TLK2: variants seen among roughly 807,000 people sequenced by gnomAD.
TLK2 encodes serine/threonine-protein kinase tousled-like 2.
A neutral mutation model predicts 117.3 loss-of-function variants in TLK2; 6 were observed. The observed-to-expected ratio is 0.05, with a 90% CI of 0.03 to 0.10. TLK2 has a LOEUF of 0.10. Among genes scored for constraint, TLK2 ranks in the 10% least tolerant of loss-of-function variants. The pLI is 1.00. For missense variants in TLK2, 299 were observed against 901.2 expected (o/e 0.33, Z 8.56); for synonymous variants, 257 against 316.7 (o/e 0.81, Z 2.00).
chr17:62,608,219 A>G (rs2083457133), intron 21 of TLK2, 71 bp downstream of exon 21: 2 of 1,173,470 alleles, frequency 1.7e-6, no homozygotes, highest in Non-Finnish European at 1.2e-6. Flanking sequence ...TTTGGGTAAT[A>G]GTGGATGGAT....
Position 62,614,850 on chromosome 17 carries a change from A to G in TLK2, c.*2285A>G, listed in dbSNP as rs1230944559. 1.3e-5 allele frequency: 2 copies of G among 152,252 alleles called. No individual in the cohort carries two copies. Among genetic ancestry groups the G allele is most frequent in the African/African-American group, 4.8e-5 (2 of 41,470 alleles). The allele number at this position is 152,252 out of a possible 1,614,324, so 9.4% of individuals were successfully genotyped here. ...ACAGTGCTGAGAGGATGGTGTCTGC[A>G]TAATGAAGACATGGATGAAGCTGAG... On this transcript the variant is annotated 3_prime_UTR_variant, in exon 22 of 22. Transcript: ENST00000346027.
intron 7 of TLK2, among the ~76,000 whole-genome samples, chr17:62,539,492 T>C (rs1422519131): frequency 1.3e-5 from 2 of 149,088 alleles, no homozygotes; most frequent in Non-Finnish European, 3.0e-5. Flanking sequence ...TTTTTTTTTT[T>C]CAATTGAGAC....
intron 9 of TLK2, among the ~76,000 whole-genome samples, chr17:62,554,882 A>C (rs924156240): frequency 2.7e-4 from 41 of 152,200 alleles, no homozygotes; most frequent in Non-Finnish European, 1.5e-5. Context: ...GCCTCAAAAA[A>C]AAAAAAAAAT....
At chr17:62,526,604 C>T (rs1398162693) in intron 6 of TLK2, among the ~76,000 whole-genome samples, 2 of 152,132 alleles carry the variant, frequency 1.3e-5, no homozygotes, top group Non-Finnish European at 2.9e-5. Context: ...ACTTGTACTG[C>T]TTGAGCATGT....
At chr17:62,539,903 G>T (rs868681825) in intron 7 of TLK2, among the ~76,000 whole-genome samples, 1 of 152,092 alleles carries the variant, frequency 6.6e-6, no homozygotes, top group African/African-American at 2.4e-5. Context: ...CTGAATTTCA[G>T]GCCTGTGTCA....
At chr17:62,537,421 CTG>C (rs1307672971) in intron 7 of TLK2, among the ~76,000 whole-genome samples, 2 of 152,236 alleles carry the variant, frequency 1.3e-5, no homozygotes, top group Admixed American at 6.5e-5. Flanking sequence ...TAATTAGACA[CTG>C]TGAGCTGACG....
chr17:62,600,455 C>A, intron 17 of TLK2, 196 bp from the exon 18 acceptor site: 1 of 497,170 alleles, frequency 2.0e-6, no homozygotes, highest in Non-Finnish European at 3.5e-6. Flanking sequence ...GGTGTGGAAA[C>A]TCTTCAAGAG....
At chr17:62,522,812 G>C (rs2076133009) in intron 4 of TLK2, among the ~76,000 whole-genome samples, 1 of 152,162 alleles carries the variant, frequency 6.6e-6, no homozygotes, top group African/African-American at 2.4e-5. Context: ...AGAAAGCCCA[G>C]TCTTGTTGCA....
intron 4 of TLK2, among the ~76,000 whole-genome samples, chr17:62,522,831 A>G (rs1473537625): frequency 2.0e-5 from 3 of 152,162 alleles, no homozygotes; most frequent in Non-Finnish European, 4.4e-5. Flanking sequence ...CATCCTTCTT[A>G]TCTTTTAAAA....
intron 16 of TLK2, among the ~76,000 whole-genome samples, chr17:62,593,839 C>T (rs1299484833): frequency 2.7e-5 from 4 of 146,048 alleles, no homozygotes. Context: ...GTCGCCCAGG[C>T]TGGAGTGCAG....
At chr17:62,552,430 A>G in intron 8 of TLK2, 33 bp downstream of exon 8, 1 of 1,614,122 alleles carries the variant, frequency 6.2e-7, no homozygotes, top group South Asian at 1.1e-5. Flanking sequence ...ATTGAGGGGC[A>G]TACCTGCTGT....
chr17:62,546,006 T>C (rs1181602667), intron 7 of TLK2, among the ~76,000 whole-genome samples: 3 of 152,144 alleles, frequency 2.0e-5, no homozygotes, highest in Non-Finnish European at 4.4e-5. Context: ...CTCAGCCTTC[T>C]GAGTAGCTAG....
intron 7 of TLK2, among the ~76,000 whole-genome samples, chr17:62,551,188 A>G (rs1043083492): frequency 2.6e-5 from 4 of 152,210 alleles, no homozygotes; most frequent in African/African-American, 9.6e-5. Flanking sequence ...AACTTGTTCA[A>G]TAGTTGGTGG....
chr17:62,512,659 T>G (rs2075243561), intron 2 of TLK2, among the ~76,000 whole-genome samples: 1 of 151,988 alleles, frequency 6.6e-6, no homozygotes, highest in Admixed American at 6.6e-5. Flanking sequence ...TCATCCTGTT[T>G]ACAGGGTCTT....
chr17:62,546,097 G>T (rs974667264), intron 7 of TLK2, among the ~76,000 whole-genome samples: 9 of 152,122 alleles, frequency 5.9e-5, no homozygotes, highest in Non-Finnish European at 1.2e-4. Context: ...GGCCAGGCTG[G>T]TCTTGAACTC....
rs543130326 is a variant in TLK2, at chr17:62,614,180, T to A, written c.*1615T>A. ...GATGTTTCAAATATGAACATTCTTT[T>A]GGCACCAATTTTCTTTTTTAATTTG... On this transcript the variant is annotated 3_prime_UTR_variant, in exon 22 of 22. Coordinates refer to ENST00000346027, the MANE Select transcript of TLK2 (RefSeq NM_006852.6). 8 of 151,920 alleles carry A rather than the reference T, an allele frequency of 5.3e-5. No individual in the cohort carries two copies. The highest frequency in any genetic ancestry group is 5.2e-4 in the Admixed American group (8 of 15,256). The allele number at this position is 151,920 out of a possible 1,614,324, so 9.4% of individuals were successfully genotyped here.
chr17:62,593,836 A>G (rs1366669426), intron 16 of TLK2, among the ~76,000 whole-genome samples: 6 of 136,614 alleles, frequency 4.4e-5, no homozygotes, highest in Non-Finnish European at 9.1e-5. Context: ...TCTGTCGCCC[A>G]GGCTGGAGTG....
intron 7 of TLK2, among the ~76,000 whole-genome samples, chr17:62,549,398 CAAAAAAAAAAAAAAAAAAAAAA>C (rs777779302): frequency 0.11 from 3,958 of 37,128 alleles, 197 homozygotes; most frequent in South Asian, 0.17. Context: ...GACTCCATCT[CAAAAAAAAAAAAAAAAAAAAAA>C]AAAAAAAAAA....
chr17:62,560,246 G>C, intron 10 of TLK2, 120 bp downstream of exon 10: 1 of 735,960 alleles, frequency 1.4e-6, no homozygotes, highest in Non-Finnish European at 2.0e-6. Context: ...TTAGGAACAT[G>C]ATTTGACAAT....
Sources: gnomAD v4.1 joint callset for allele counts (sites outside exome capture counted in the v4.1 genomes callset) on GRCh38, gnomAD v4.1.1 for gene constraint, MANE v1.5 for transcripts, NCBI Gene and HGNC (gene_info 2026-07-23, HGNC 2026-07-21) for gene names.